The following PALD1 variants were observed in gnomAD, a reference collection of about 807,000 sequenced individuals.
PALD1 encodes the protein paladin.
A neutral mutation model predicts 96.0 loss-of-function variants in PALD1; 57 were observed. The observed-to-expected ratio is 0.59, with a 90% CI of 0.48 to 0.74. The LOEUF (loss-of-function observed/expected upper bound fraction) is 0.74, where lower values mean the gene tolerates loss of function less well. Among genes scored for constraint, PALD1 ranks in the 30% least tolerant of loss-of-function variants. The pLI is 0.00. For missense variants in PALD1, 1,063 were observed against 1,143.7 expected (o/e 0.93, Z 1.02); for synonymous variants, 464 against 473.6 (o/e 0.98, Z 0.26).
chr10:70,557,127 G>T (rs1217699995), intron 18 of PALD1, among the ~76,000 whole-genome samples: 1 of 152,250 alleles, frequency 6.6e-6, no homozygotes, highest in Non-Finnish European at 1.5e-5. Flanking sequence ...AGCCCTGGCT[G>T]CAGCCCTGGC....
chr10:70,475,362 C>T (rs1023450415), upstream of PALD1, among the ~76,000 whole-genome samples: 10 of 152,136 alleles, frequency 6.6e-5, no homozygotes, highest in South Asian at 8.3e-4. Flanking sequence ...GGGATTCAGG[C>T]GTCACGGATG....
intron 1 of PALD1, among the ~76,000 whole-genome samples, chr10:70,517,327 C>A (rs1846640873): frequency 6.6e-6 from 1 of 151,268 alleles, no homozygotes. Flanking sequence ...TGAAATTACC[C>A]CTTTTTAAGT....
intron 1 of PALD1, among the ~76,000 whole-genome samples, chr10:70,507,759 G>GTA (rs1447975566): frequency 7.4e-5 from 5 of 67,214 alleles, no homozygotes; most frequent in Non-Finnish European, 1.7e-4. Flanking sequence ...GCGTGTGTGT[G>GTA]TGTGTGTGTG....
chr10:70,480,799 C>T (rs1455230209), intron 1 of PALD1, among the ~76,000 whole-genome samples: 1 of 152,218 alleles, frequency 6.6e-6, no homozygotes, highest in Non-Finnish European at 1.5e-5. Flanking sequence ...ACCCAGGCAC[C>T]TGTGGGGGAT....
chr10:70,539,176 G>C lies in PALD1; in HGVS notation c.1654G>C (p.Val552Leu). 6.2e-7 allele frequency: 1 copy of C among 1,613,142 alleles called. No homozygotes were observed. The highest frequency in any genetic ancestry group is 8.5e-7 in the Non-Finnish European group (1 of 1,179,632). The change falls in exon 14 of 20, where the codon GTG becomes CTG. Residue 552 changes from valine (V) to leucine (L), a missense_variant. Val to Leu is a conservative substitution (Grantham distance 32). Transcript: ENST00000263563. The surrounding 1 kb of genome is among the most constrained non-coding windows in gnomAD (Gnocchi z 4.5). ...VVWVSLREEAVLECDGHTYSL... is the reference protein window; with the variant it reads ...VVWVSLREEALLECDGHTYSL... ...CTGGGTGAGCCTTCGGGAGGAGGCCGTGTTGGAGTGTGACGGGCACACCTA... is the reference window on the plus strand; with the variant it reads ...CTGGGTGAGCCTTCGGGAGGAGGCCCTGTTGGAGTGTGACGGGCACACCTA...
At chr10:70,562,016 C>T (rs190157179) in intron 18 of PALD1, among the ~76,000 whole-genome samples, 23 of 152,344 alleles carry the variant, frequency 1.5e-4, no homozygotes, top group Admixed American at 3.3e-4. Flanking sequence ...GTGATGGGCA[C>T]GGTGTAGTGG....
intron 1 of PALD1, among the ~76,000 whole-genome samples, chr10:70,493,086 T>C (rs888348160): frequency 4.6e-5 from 7 of 151,978 alleles, no homozygotes; most frequent in African/African-American, 1.7e-4. Flanking sequence ...CCTGCCCCCC[T>C]ACCTTGGCTC....
At chr10:70,509,862 T>C (rs1351827165) in intron 1 of PALD1, among the ~76,000 whole-genome samples, 1 of 152,214 alleles carries the variant, frequency 6.6e-6, no homozygotes, top group Non-Finnish European at 1.5e-5. Flanking sequence ...TGCTCCTGGC[T>C]GTTGGACACA....
At chr10:70,527,937 C>G (rs1018585157) in intron 2 of PALD1, among the ~76,000 whole-genome samples, 4 of 152,026 alleles carry the variant, frequency 2.6e-5, no homozygotes, top group African/African-American at 7.3e-5. Flanking sequence ...CCCGTCCCCC[C>G]ACCCCACAAC....
At chr10:70,523,832 G>A (rs778505381) in intron 1 of PALD1, among the ~76,000 whole-genome samples, 5 of 152,088 alleles carry the variant, frequency 3.3e-5, no homozygotes, top group African/African-American at 7.2e-5. Context: ...TGGGAGGGCC[G>A]ATGAGTCTGG....
chr10:70,533,585 C>T (rs901710553), intron 7 of PALD1, among the ~76,000 whole-genome samples: 5 of 152,198 alleles, frequency 3.3e-5, no homozygotes, highest in African/African-American at 1.2e-4. Flanking sequence ...ATAGACTGTT[C>T]AGCTGACATT....
chr10:70,508,745 T>A (rs891900911), intron 1 of PALD1, among the ~76,000 whole-genome samples: 2 of 143,760 alleles, frequency 1.4e-5, no homozygotes, highest in Non-Finnish European at 3.1e-5. Flanking sequence ...AACTCTAAGA[T>A]ACACGTGGGT....
rs1157960799 is a variant in PALD1, at chr10:70,492,448, C to CTTTTTTTT, written c.-30+13408_-30+13415dup. ...TTACCAGAATTAAATGCATTTTTGA[C>CTTTTTTTT]TTTTTTTTTTTTTTTTTTTTTTTTT... On this transcript the variant is annotated intron_variant, in intron 1 of 19. Coordinates refer to ENST00000263563, the MANE Select transcript of PALD1 (RefSeq NM_014431.3). Among the ~76,000 whole-genome samples, 6 of 80,156 alleles carry CTTTTTTTT rather than the reference C, an allele frequency of 7.5e-5. 1 individual carries two copies. Among genetic ancestry groups the CTTTTTTTT allele is most frequent in the African/African-American group, 8.3e-5 (2 of 24,178 alleles). The allele number at this position is 80,156 out of a possible 152,430, so 52.6% of individuals were successfully genotyped here.
At chr10:70,525,182 T>C (rs921432760) in intron 1 of PALD1, among the ~76,000 whole-genome samples, 2 of 151,852 alleles carry the variant, frequency 1.3e-5, no homozygotes, top group African/African-American at 4.8e-5. Flanking sequence ...TGTATTTTTT[T>C]TTTTTTTTAA....
chr10:70,537,209 G>A (rs1047993338), intron 10 of PALD1, among the ~76,000 whole-genome samples: 4 of 152,038 alleles, frequency 2.6e-5, no homozygotes, highest in Non-Finnish European at 5.9e-5. Flanking sequence ...CCAGGCTCAA[G>A]CGATTCTCCC....
At chr10:70,542,844 C>T (rs1245433607) in intron 17 of PALD1, among the ~76,000 whole-genome samples, 1 of 152,180 alleles carries the variant, frequency 6.6e-6, no homozygotes, top group African/African-American at 2.4e-5. Flanking sequence ...GAGGAACCAC[C>T]ATGCTGTTTG....
Position 70,552,798 on chromosome 10 carries a change from G to T in PALD1, c.2262+5352G>T, listed in dbSNP as rs145743999. The stretch of plus-strand genomic sequence containing the variant: ...TTAGATGTTTCCACTAATCTCACAG[G>T]CTTTTTGCAGCTGGATCAGGATCCA... On this transcript the variant is annotated intron_variant, in intron 18 of 19. Coordinates refer to ENST00000263563, the MANE Select transcript of PALD1 (RefSeq NM_014431.3). Among the ~76,000 whole-genome samples the T allele has an allele frequency of 1.1e-3, 164 of 152,294 alleles. 1 individual carries two copies. The highest frequency in any genetic ancestry group is 1.9e-3 in the Non-Finnish European group (132 of 68,028).
intron 1 of PALD1, among the ~76,000 whole-genome samples, chr10:70,517,633 T>C (rs7081374): frequency 0.69 from 104,478 of 152,002 alleles, 36,105 homozygotes; most frequent in Middle Eastern, 0.78. Flanking sequence ...TGAGCCACCA[T>C]ACCTGGCCTA....
At chr10:70,473,782 A>G (rs1199630612), upstream of PALD1, among the ~76,000 whole-genome samples, 1 of 151,938 alleles carries the variant, frequency 6.6e-6, no homozygotes, top group East Asian at 1.9e-4. Flanking sequence ...AGTAGCTGGG[A>G]TTACAGGCGC....
Sources: gnomAD v4.1 joint callset for allele counts (sites outside exome capture counted in the v4.1 genomes callset) on GRCh38, gnomAD v4.1.1 for gene constraint, Gnocchi (gnomAD v3.1) non-coding constraint, MANE v1.5 for transcripts, NCBI Gene and HGNC (gene_info 2026-07-23, HGNC 2026-07-21) for gene names.